The following AFAP1 variants were observed in gnomAD, a reference collection of about 807,000 sequenced individuals.
The protein encoded by AFAP1 is actin filament-associated protein 1.
In AFAP1, 75 loss-of-function variants were observed where a neutral mutation model predicts 93.9. That is an observed-to-expected ratio of 0.80 (90% CI 0.66 to 0.97). The LOEUF (loss-of-function observed/expected upper bound fraction) is 0.97, where lower values mean the gene tolerates loss of function less well. AFAP1 is among the 50% of genes least tolerant of loss of function. AFAP1 has a pLI of 0.00. For missense variants in AFAP1, 1,201 were observed against 1,050.8 expected, an observed-to-expected ratio of 1.14 and a Z score of -1.98; for synonymous variants, 517 against 430.7, an observed-to-expected ratio of 1.20 and a Z score of -2.48.
chr4:7,920,776 G>A (rs932778480), intron 1 of AFAP1, among the ~76,000 whole-genome samples: 4 of 151,872 alleles, frequency 2.6e-5, no homozygotes, highest in African/African-American at 4.8e-5. Context: ...CGATATGTTT[G>A]AGACTAAAAA....
chr4:7,871,857 CA>C lies in AFAP1; in HGVS notation c.127+94del. On this transcript the variant is annotated intron_variant, in intron 2 of 17. Transcript: ENST00000420658. ...ATAAATAAGCTTGTAAGTTAAAGAA[CA>C]AATAAATATATTTTAGAAAGGTGGT... is the stretch of plus-strand genomic sequence containing the variant. 5 of 1,472,282 alleles carry C rather than the reference CA, an allele frequency of 3.4e-6. 1 individual carries two copies. The Admixed American group carries it at 1.1e-4, about 32-fold the overall frequency. 91.2% of individuals were successfully genotyped at this position (1,472,282 alleles called of 1,614,324 possible).
intron 11 of AFAP1, among the ~76,000 whole-genome samples, chr4:7,788,314 G>A (rs1461689897): frequency 6.6e-6 from 1 of 152,234 alleles, no homozygotes; most frequent in Non-Finnish European, 1.5e-5. Flanking sequence ...AGGGGCAAGT[G>A]AAGCCCGCCT....
At chr4:7,935,440 G>C (rs1043306576) in intron 1 of AFAP1, among the ~76,000 whole-genome samples, 1 of 151,998 alleles carries the variant, frequency 6.6e-6, no homozygotes, top group Non-Finnish European at 1.5e-5. Flanking sequence ...ACTGTTTTGA[G>C]GTAGCCTGAA....
intron 1 of AFAP1, among the ~76,000 whole-genome samples, chr4:7,914,681 CTG>C (rs1719972966): frequency 6.6e-6 from 1 of 152,146 alleles, no homozygotes; most frequent in Non-Finnish European, 1.5e-5. Context: ...CTGGATCACA[CTG>C]TGGTTTTATT....
chr4:7,914,569 T>C (rs1426584053), intron 1 of AFAP1, among the ~76,000 whole-genome samples: 1 of 152,158 alleles, frequency 6.6e-6, no homozygotes, highest in Non-Finnish European at 1.5e-5. Context: ...GCTGATTCCA[T>C]ATCTTGGCTA....
Position 7,939,413 on chromosome 4 carries a change from T to C in AFAP1, c.-3+243A>G. The C allele has an allele frequency of 3.3e-6, 1 of 304,612 alleles. No individual in the cohort carries two copies. The highest frequency in any genetic ancestry group is 6.4e-6 in the Non-Finnish European group (1 of 155,792). The allele number at this position is 304,612 out of a possible 1,614,324, so 18.9% of individuals were successfully genotyped here. A position where few individuals can be genotyped will look rare whatever the true frequency, so the allele number is the denominator to read the frequency against. ...CAGCGCCCGGGTCCACGCAGTCCCCTCCGGGCAGACGCGGGGAGCTGGGGA... is the reference window on the plus strand; with the variant it reads ...CAGCGCCCGGGTCCACGCAGTCCCCCCCGGGCAGACGCGGGGAGCTGGGGA... On this transcript the variant is annotated intron_variant, in intron 1 of 17. Coordinates refer to ENST00000420658, the MANE Select transcript of AFAP1 (RefSeq NM_001134647.2). The surrounding 1 kb of genome is among the most constrained non-coding windows in gnomAD (Gnocchi z 5.6).
At chr4:7,848,833 T>G (rs1714106276) in intron 4 of AFAP1, among the ~76,000 whole-genome samples, 1 of 152,206 alleles carries the variant, frequency 6.6e-6, no homozygotes, top group South Asian at 2.1e-4. Context: ...GGAATTGCTA[T>G]CATAGTGTCA....
intron 10 of AFAP1, among the ~76,000 whole-genome samples, chr4:7,797,369 G>A (rs932231613): frequency 6.6e-6 from 1 of 152,116 alleles, no homozygotes; most frequent in Non-Finnish European, 1.5e-5. Context: ...AATTTACAGT[G>A]GGGAAACCTT....
rs62636594 is a variant in AFAP1, at chr4:7,772,838, T to C, written c.2235A>G (p.Ser745=). Residue 745 remains serine (S), a synonymous_variant, in exon 16 of 18, where the codon TCA becomes TCG. Coordinates refer to ENST00000420658, the MANE Select transcript of AFAP1 (RefSeq NM_001134647.2). The stretch of plus-strand genomic sequence containing the variant: ...CACACACCTGTGGACTCGATGTCCC[T>C]GACTTGGGCTCGATGGCCAGCCCCA... The part of the protein sequence containing the change: ...VTLGLAIEPK[S]GTSSPQSPVF... 4 of 1,613,896 alleles carry C rather than the reference T, an allele frequency of 2.5e-6. No individual in the cohort carries two copies. In the African/African-American group the frequency reaches 4.0e-5, roughly 16 times the overall value.
In AFAP1 at chr4:7,874,881, TTTA is replaced by T. The variant is rs565882682; in HGVS notation, c.-2-2804_-2-2802del. On this transcript the variant is annotated intron_variant, in intron 1 of 17. Transcript: ENST00000420658. ...ATATTATTTATGTTAACATAATAGG[TTTA>T]TTGATATTTTAATGAATAAATATCT... Among the ~76,000 whole-genome samples the T allele has an allele frequency of 3.3e-3, 500 of 152,158 alleles. 1 individual carries two copies. Among genetic ancestry groups the T allele is most frequent in the African/African-American group, 0.012 (481 of 41,518 alleles).
In AFAP1 at chr4:7,901,861, C is replaced by T. The variant is rs913288211; in HGVS notation, c.-2-29781G>A. Among the ~76,000 whole-genome samples the T allele has an allele frequency of 6.6e-5, 10 of 152,308 alleles. No homozygotes were observed. The South Asian group carries it at 1.2e-3, about 19-fold the overall frequency. ...TGTCTGGTGTTCAGCATCATATCTA[C>T]GTGATCATCTAGAAAACCAACTTCT... On this transcript the variant is annotated intron_variant, in intron 1 of 17. Coordinates refer to ENST00000420658, the MANE Select transcript of AFAP1 (RefSeq NM_001134647.2).
At chr4:7,920,299 T>C (rs1441634204) in intron 1 of AFAP1, among the ~76,000 whole-genome samples, 1 of 152,228 alleles carries the variant, frequency 6.6e-6, no homozygotes, top group African/African-American at 2.4e-5. Context: ...ATGGTGTTAA[T>C]TCCTAGATCA....
chr4:7,858,943 A>G (rs1715374653), intron 3 of AFAP1, among the ~76,000 whole-genome samples: 1 of 152,254 alleles, frequency 6.6e-6, no homozygotes, highest in African/African-American at 2.4e-5. Flanking sequence ...AGGACGTGCG[A>G]ATCTCTGGGC....
chr4:7,762,960 G>C lies in AFAP1; in HGVS notation c.*805C>G, dbSNP rs563366043. 6.6e-6 allele frequency: 1 copy of C among 152,336 alleles called. No individual in the cohort carries two copies. Among genetic ancestry groups the C allele is most frequent in the South Asian group, 2.1e-4 (1 of 4,830 alleles). The allele number at this position is 152,336 out of a possible 1,614,324, so 9.4% of individuals were successfully genotyped here. On this transcript the variant is annotated 3_prime_UTR_variant, in exon 18 of 18. Transcript: ENST00000420658. ...GGGCTGGGGATGCTAGCCCAAGGGG[G>C]AGGAGGGTGTACTGTTAGTGAAGTA... is the stretch of plus-strand genomic sequence containing the variant.
chr4:7,785,629 A>G (rs573232380), intron 12 of AFAP1, among the ~76,000 whole-genome samples: 1 of 152,336 alleles, frequency 6.6e-6, no homozygotes, highest in South Asian at 2.1e-4. Flanking sequence ...GTGGGCTGAC[A>G]CATTTAATTA....
At chr4:7,788,431 G>A (rs575924866) in intron 11 of AFAP1, among the ~76,000 whole-genome samples, 16 of 152,376 alleles carry the variant, frequency 1.1e-4, no homozygotes, top group African/African-American at 3.6e-4. Flanking sequence ...CAGAGCGCGT[G>A]TGCGCCCCAT....
intron 13 of AFAP1, chr4:7,779,125 G>A: frequency 2.2e-6 from 1 of 454,496 alleles, no homozygotes; most frequent in South Asian, 2.7e-5. Flanking sequence ...CACTGCAGAA[G>A]TGGCCCCTTT....
rs1721588727 is a variant in AFAP1 at position 7,939,324 on chromosome 4, C to A, written c.-3+332G>T. 1 of 312,326 alleles carries A rather than the reference C, an allele frequency of 3.2e-6. No homozygotes were observed. The highest frequency in any genetic ancestry group is 2.4e-5 in the South Asian group (1 of 41,748). The allele number at this position is 312,326 out of a possible 1,614,324, so 19.3% of individuals were successfully genotyped here. A position where few individuals can be genotyped will look rare whatever the true frequency, so the allele number is the denominator to read the frequency against. On this transcript the variant is annotated intron_variant, in intron 1 of 17. Coordinates refer to ENST00000420658, the MANE Select transcript of AFAP1 (RefSeq NM_001134647.2). This position sits in a 1 kb window ranked among gnomAD's most constrained non-coding sequence, Gnocchi z 5.6. ...CCCGGACCCCGCCCCACGAGTGGGT[C>A]TTCGCAGGGCCCCCTCTGACGCACA...
intron 2 of AFAP1, among the ~76,000 whole-genome samples, chr4:7,869,050 G>T (rs1263700050): frequency 7.7e-6 from 1 of 129,720 alleles, no homozygotes; most frequent in Non-Finnish European, 1.7e-5. Flanking sequence ...AAAGAAAAGA[G>T]AAAGAGAAAG....
Sources: allele counts gnomAD v4.1 joint callset (sites outside exome capture counted in the v4.1 genomes callset), GRCh38; gene constraint gnomAD v4.1.1; non-coding constraint Gnocchi (gnomAD v3.1); transcripts MANE v1.5; gene names NCBI Gene and HGNC (gene_info 2026-07-23, HGNC 2026-07-21).